The following CCDC122 variants were observed in gnomAD, a reference collection of about 807,000 sequenced individuals.
The protein encoded by CCDC122 is coiled-coil domain-containing protein 122.
CCDC122 carries 38 observed loss-of-function variants against 37.0 expected under a neutral mutation model. The observed-to-expected ratio is 1.03, with a 90% confidence interval of 0.79 to 1.35. The LOEUF is 1.35. Among genes scored for constraint, CCDC122 ranks in the 40% most tolerant of loss-of-function variants. The pLI is 0.00. For synonymous variants in CCDC122, 83 were observed against 95.6 expected (o/e 0.87, Z 0.77); for missense variants, 305 against 310.0 (o/e 0.98, Z 0.12).
Position 43,859,939 on chromosome 13 carries a change from T to C in CCDC122, c.288A>G (p.Gln96=). The C allele has an allele frequency of 6.2e-7, 1 of 1,611,558 alleles. No individual in the cohort carries two copies. The highest frequency in any genetic ancestry group is 1.3e-5 in the African/African-American group (1 of 74,994). ...TKLHCDSLET[Q]IKSLHSENVK... is the part of the protein sequence containing the mutation. Reference sequence around the variant, plus strand: ...CATTTTCTGAATGTAAGGATTTGATTTGAGTTTCCAGGCTATCACAATGAA... The same window carrying C: ...CATTTTCTGAATGTAAGGATTTGATCTGAGTTTCCAGGCTATCACAATGAA... Residue 96 remains glutamine, a synonymous_variant, in exon 5 of 7, where the codon CAA becomes CAG. Coordinates refer to ENST00000444614, the MANE Select transcript of CCDC122 (RefSeq NM_144974.5).
At chr13:43,849,839 G>A (rs1405374736) in intron 6 of CCDC122, among the ~76,000 whole-genome samples, 1 of 152,162 alleles carries the variant, frequency 6.6e-6, no homozygotes, top group East Asian at 1.9e-4. Context: ...AGCTAACTAA[G>A]GAGCCAGGAG....
At chr13:43,876,686 G>GTTGTGCTTGATA (rs1427897962) in intron 1 of CCDC122, among the ~76,000 whole-genome samples, 1 of 152,192 alleles carries the variant, frequency 6.6e-6, no homozygotes, top group African/African-American at 2.4e-5. Flanking sequence ...GTTTTTGCCA[G>GTTGTGCTTGATA]TTGTGCTTGA....
downstream of CCDC122, among the ~76,000 whole-genome samples, chr13:43,833,414 T>C (rs746051806): frequency 6.6e-5 from 10 of 152,202 alleles, no homozygotes; most frequent in Non-Finnish European, 7.3e-5. Flanking sequence ...CTTGAAATTA[T>C]AGCTTTCCTT....
At chr13:43,858,656 T>G (rs1211018211) in intron 6 of CCDC122, 125 bp downstream of exon 6, 1 of 646,790 alleles carries the variant, frequency 1.5e-6, no homozygotes, top group Non-Finnish European at 2.2e-6. Context: ...TTTACTAAAT[T>G]TTATAGTTCT....
chr13:43,824,195 C>G (rs1005356552), intron 3 of CCDC122, among the ~76,000 whole-genome samples: 1 of 152,106 alleles, frequency 6.6e-6, no homozygotes, highest in Admixed American at 6.5e-5. Flanking sequence ...AAACCTGAGT[C>G]CCAAATATGG....
At chr13:43,866,436 T>C (rs1954279921) in intron 4 of CCDC122, among the ~76,000 whole-genome samples, 2 of 152,242 alleles carry the variant, frequency 1.3e-5, no homozygotes, top group African/African-American at 4.8e-5. Context: ...AATTTCCATA[T>C]GACTTTTAGA....
At chr13:43,847,132 A>T (rs1195319882) in intron 6 of CCDC122, among the ~76,000 whole-genome samples, 1 of 152,214 alleles carries the variant, frequency 6.6e-6, no homozygotes, top group Non-Finnish European at 1.5e-5. Flanking sequence ...ATTGTGAGAT[A>T]TTTTGCAGCA....
At chr13:43,836,023 G>A (rs1183703684), downstream of CCDC122, among the ~76,000 whole-genome samples, 1 of 152,162 alleles carries the variant, frequency 6.6e-6, no homozygotes, top group African/African-American at 2.4e-5. Context: ...TTAATATCAG[G>A]TTTTATATCA....
At position 43,837,036 on chromosome 13, in the gene CCDC122, A is replaced by G. The variant is rs1190972607; in HGVS notation, c.*244T>C. On this transcript the variant is annotated 3_prime_UTR_variant, in exon 7 of 7. Transcript: ENST00000444614. ...TTTTACACACTCCAAATAGTCACAG[A>G]GACTCTTGCATTATTTTCCCGTAGA... The G allele has an allele frequency of 7.1e-6, 3 of 423,822 alleles. No homozygotes were observed. Among genetic ancestry groups the G allele is most frequent in the Middle Eastern group, 1.2e-3 (2 of 1,614 alleles). 26.3% of individuals were successfully genotyped at this position (423,822 alleles called of 1,614,324 possible).
chr13:43,854,060 A>G (rs1953828832), intron 6 of CCDC122: 2 of 152,194 alleles, frequency 1.3e-5, no homozygotes, highest in Non-Finnish European at 2.9e-5. Flanking sequence ...TTAACAACCT[A>G]ACATCACGAC....
chr13:43,849,078 T>C, intron 6 of CCDC122: 1 of 890,766 alleles, frequency 1.1e-6, no homozygotes, highest in Non-Finnish European at 1.3e-6. Flanking sequence ...TTCAGCTTCA[T>C]AATTTGTTGT....
intron 6 of CCDC122, among the ~76,000 whole-genome samples, chr13:43,837,821 G>T (rs569155221): frequency 6.6e-6 from 1 of 152,078 alleles, no homozygotes; most frequent in African/African-American, 2.4e-5. Context: ...GAGAGTTACC[G>T]GTGTTAAACT....
chr13:43,875,281 C>T (rs2153880996), intron 1 of CCDC122, among the ~76,000 whole-genome samples: 1 of 152,286 alleles, frequency 6.6e-6, no homozygotes, highest in East Asian at 1.9e-4. Context: ...TTTCCTCCCC[C>T]TCTAAACAAG....
At chr13:43,876,161 T>C (rs1320622334) in intron 1 of CCDC122, among the ~76,000 whole-genome samples, 3 of 152,194 alleles carry the variant, frequency 2.0e-5, no homozygotes, top group Non-Finnish European at 2.9e-5. Context: ...TCCGTAACTG[T>C]GAGAGAACAA....
At chr13:43,843,331 T>C (rs574971378) in intron 6 of CCDC122, among the ~76,000 whole-genome samples, 6 of 152,092 alleles carry the variant, frequency 3.9e-5, no homozygotes, top group South Asian at 2.1e-4. Context: ...TTTTTACTTC[T>C]GTCATTTTGT....
chr13:43,843,855 T>A (rs1267212473), intron 6 of CCDC122, among the ~76,000 whole-genome samples: 3 of 151,852 alleles, frequency 2.0e-5, no homozygotes, highest in African/African-American at 7.2e-5. Context: ...TGTCTGTTTG[T>A]CAAATTGGCA....
downstream of CCDC122, among the ~76,000 whole-genome samples, chr13:43,834,941 C>T (rs1481796512): frequency 6.6e-6 from 1 of 152,038 alleles, no homozygotes; most frequent in Non-Finnish European, 1.5e-5. Context: ...ATCATTTGAC[C>T]CAGCCATCCC....
chr13:43,833,086 A>C (rs1021622716), downstream of CCDC122, among the ~76,000 whole-genome samples: 3 of 152,206 alleles, frequency 2.0e-5, no homozygotes, highest in Admixed American at 6.5e-5. Flanking sequence ...TGGCTGACTT[A>C]ACTGGCTTTA....
rs117432778 is a variant in CCDC122, at chr13:43,861,672, A to T, written c.157-1602T>A. 2.8e-4 allele frequency among the ~76,000 whole-genome samples: 43 copies of T among 152,342 alleles called. No homozygotes were observed. In the East Asian group the frequency reaches 8.3e-3, roughly 29 times the overall value. ...ATCCTTTTCCTGGCAGAGAAAAAGGAGGTAAGTTCACTGAAAAATACAATA... is the reference window on the plus strand; with the variant it reads ...ATCCTTTTCCTGGCAGAGAAAAAGGTGGTAAGTTCACTGAAAAATACAATA... On this transcript the variant is annotated intron_variant, in intron 4 of 6. Transcript: ENST00000444614.
Sources: allele counts gnomAD v4.1 joint callset (sites outside exome capture counted in the v4.1 genomes callset), GRCh38; gene constraint gnomAD v4.1.1; transcripts MANE v1.5; gene names NCBI Gene and HGNC (gene_info 2026-07-23, HGNC 2026-07-21).